STARD8: variants seen among roughly 807,000 people sequenced by gnomAD.
STARD8 encodes the protein StAR related lipid transfer domain containing 8, also known as stAR-related lipid transfer protein 8.
STARD8 carries 25 observed loss-of-function variants against 69.4 expected under a neutral mutation model. The ratio of observed to expected loss-of-function variants is 0.36; its 90% confidence interval spans 0.26 to 0.50. The LOEUF is 0.50. Among genes scored for constraint, STARD8 ranks in the 20% least tolerant of loss-of-function variants. The pLI, the probability that STARD8 is intolerant of heterozygous loss-of-function variation, is 0.96. For synonymous variants in STARD8, 389 were observed against 374.6 expected (o/e 1.04, Z -0.45); for missense variants, 921 against 932.5 (o/e 0.99, Z 0.16).
chrX:68,680,460 C>T (rs760792820), intron 2 of STARD8, among the ~76,000 whole-genome samples: 2 of 112,498 alleles, frequency 1.8e-5, no homozygotes, highest in Admixed American at 1.9e-4. Flanking sequence ...TGGAAACAAA[C>T]AGGGCCCCTG....
At chrX:68,654,499 C>A (rs1224965795) in intron 1 of STARD8, among the ~76,000 whole-genome samples, 1 of 111,423 alleles carries the variant, frequency 9.0e-6, no homozygotes, top group Non-Finnish European at 1.9e-5. Context: ...ACATGGGATC[C>A]CATGCTTTTC....
At chrX:68,648,060 G>T in intron 1 of STARD8, 133 bp downstream of exon 1, 2 of 812,289 alleles carry the variant, frequency 2.5e-6, no homozygotes, top group South Asian at 5.2e-5. Flanking sequence ...GAGTTAGAAA[G>T]GCTTGGGTTC....
chrX:68,662,951 A>C (rs1030595225), intron 1 of STARD8, among the ~76,000 whole-genome samples: 1 of 112,188 alleles, frequency 8.9e-6, no homozygotes, highest in Non-Finnish European at 1.9e-5. Context: ...CACAGGACTT[A>C]GCTCTGAGGA....
chrX:68,689,952 T>A lies in STARD8; in HGVS notation c.80-22962T>A, dbSNP rs1458166602. Among the ~76,000 whole-genome samples the A allele has an allele frequency of 2.7e-5, 3 of 110,212 alleles. No individual in the cohort carries two copies. In the Admixed American group the frequency reaches 2.9e-4, roughly 11 times the overall value. ...TCTGCCTCTGCTTGGGCTGTCTTCT[T>A]AGTGCAAATCTCCCTCCTATGGCCA... On this transcript the variant is annotated intron_variant, in intron 2 of 14. Transcript: ENST00000374599.
At chrX:68,686,072 T>C (rs1397074546) in intron 2 of STARD8, among the ~76,000 whole-genome samples, 1 of 111,558 alleles carries the variant, frequency 9.0e-6, no homozygotes, top group Admixed American at 9.4e-5. Flanking sequence ...CACCGAGGTA[T>C]GAGAACAGAA....
rs1210946498 is a variant in STARD8 at position 68,722,662 on chromosome X, C to G, written c.2799+16C>G. On this transcript the variant is annotated intron_variant, in intron 12 of 14. Transcript: ENST00000374599. Reference sequence around the variant, plus strand: ...TTGCAGGAAGGTGAGTGCCACACCACGGGTGGCTGCTATGGGGCTGGGAGA... The same window carrying G: ...TTGCAGGAAGGTGAGTGCCACACCAGGGGTGGCTGCTATGGGGCTGGGAGA... 9.2e-6 allele frequency: 11 copies of G among 1,196,009 alleles called. No homozygotes were observed. The highest frequency in any genetic ancestry group is 1.2e-5 in the Non-Finnish European group (11 of 883,649).
intron 3 of STARD8, among the ~76,000 whole-genome samples, chrX:68,713,302 G>A (rs1422778558): frequency 3.6e-5 from 4 of 112,620 alleles, no homozygotes; most frequent in African/African-American, 1.3e-4. Flanking sequence ...AATGCCGCCT[G>A]GAGTTGTACA....
At chrX:68,693,718 A>G in intron 2 of STARD8, 1 of 754,056 alleles carries the variant, frequency 1.3e-6, no homozygotes, top group Non-Finnish European at 1.6e-6. Context: ...CCCCTGCCCG[A>G]CCCCAGGCCC....
intron 2 of STARD8, among the ~76,000 whole-genome samples, chrX:68,683,863 G>A (rs750612353): frequency 6.3e-5 from 7 of 111,807 alleles, no homozygotes; most frequent in Admixed American, 2.8e-4. Context: ...CATTCTCTGG[G>A]GGTAAGGATG....
At chrX:68,692,815 T>C (rs942376388) in intron 2 of STARD8, among the ~76,000 whole-genome samples, 1 of 111,507 alleles carries the variant, frequency 9.0e-6, no homozygotes. Flanking sequence ...TTTAAGTGAG[T>C]CATGCTTAAA....
rs956763884 is a variant in STARD8, at chrX:68,713,071, T to C, written c.151+86T>C. The C allele has an allele frequency of 8.3e-6, 8 of 968,323 alleles. No homozygotes were observed. The African/African-American group carries it at 1.3e-4, about 16-fold the overall frequency. 79.8% of individuals were successfully genotyped at this position (968,323 alleles called of 1,213,427 possible). ...TAGATGGGGCAAGTCAGATTCTCTT[T>C]CCAACTACACACAAGCAGTGTCTCC... On this transcript the variant is annotated intron_variant, in intron 3 of 14. Transcript: ENST00000374599.
At position 68,694,971 on chromosome X, in the gene STARD8, C is replaced by T. The variant is rs182514923; in HGVS notation, c.80-17943C>T. 6.9e-3 allele frequency among the ~76,000 whole-genome samples: 762 copies of T among 111,061 alleles called. 11 individuals carry two copies. Among genetic ancestry groups the T allele is most frequent in the African/African-American group, 0.024 (736 of 30,463 alleles). On this transcript the variant is annotated intron_variant, in intron 2 of 14. Coordinates refer to ENST00000374599, the MANE Select transcript of STARD8 (RefSeq NM_001142503.3). Reference sequence around the variant, plus strand: ...CCAAGTCCCAGGGCCTGGCTTCTCTCCCAGTCAGAGCCTAAGCGGGGAGGA... The same window carrying T: ...CCAAGTCCCAGGGCCTGGCTTCTCTTCCAGTCAGAGCCTAAGCGGGGAGGA...
At chrX:68,683,235 T>C (rs2079811504) in intron 2 of STARD8, among the ~76,000 whole-genome samples, 1 of 111,708 alleles carries the variant, frequency 9.0e-6, no homozygotes, top group South Asian at 3.7e-4. Flanking sequence ...AGAAACTCCA[T>C]GTGGCCTGAG....
chrX:68,707,426 G>A (rs1352425618), intron 2 of STARD8, among the ~76,000 whole-genome samples: 1 of 111,999 alleles, frequency 8.9e-6, no homozygotes, highest in Non-Finnish European at 1.9e-5. Flanking sequence ...AATTTTCCAG[G>A]GACCTATATC....
At position 68,660,611 on chromosome X, in the gene STARD8, G is replaced by A. The variant is rs185036703; in HGVS notation, c.46-4888G>A. On this transcript the variant is annotated intron_variant, in intron 1 of 14. Coordinates refer to ENST00000374599, the MANE Select transcript of STARD8 (RefSeq NM_001142503.3). ...ATCTCTACTCAGCTGTCTCTGAACT[G>A]TGAGCTGCTCTAAGAAACCAGCCTG... Among the ~76,000 whole-genome samples the A allele has an allele frequency of 1.3e-4, 15 of 112,545 alleles. No homozygotes were observed. In the East Asian group the frequency reaches 4.2e-3, roughly 32 times the overall value.
chrX:68,652,914 A>G (rs1258098091), intron 1 of STARD8, among the ~76,000 whole-genome samples: 22 of 30,307 alleles, frequency 7.3e-4, no homozygotes, highest in African/African-American at 3.2e-3. Context: ...ACACCACACC[A>G]CACACACACA....
At chrX:68,663,132 A>T (rs1173638570) in intron 1 of STARD8, among the ~76,000 whole-genome samples, 1 of 112,184 alleles carries the variant, frequency 8.9e-6, no homozygotes, top group African/African-American at 3.2e-5. Context: ...ATGTTCTACA[A>T]CAAGGAAACA....
intron 1 of STARD8, among the ~76,000 whole-genome samples, chrX:68,653,289 CACACA>C (rs2079580864): frequency 7.0e-5 from 2 of 28,458 alleles, no homozygotes; most frequent in South Asian, 2.3e-3. Flanking sequence ...ACACACACAC[CACACA>C]CCACACACAC....
At chrX:68,653,796 TAC>T (rs1383144998) in intron 1 of STARD8, among the ~76,000 whole-genome samples, 3 of 99,538 alleles carry the variant, frequency 3.0e-5, no homozygotes, top group Admixed American at 1.1e-4. Context: ...ACACACCACA[TAC>T]ACACACACAC....
Sources: allele counts gnomAD v4.1 joint callset (sites outside exome capture counted in the v4.1 genomes callset), GRCh38; gene constraint gnomAD v4.1.1; transcripts MANE v1.5; gene names NCBI Gene and HGNC (gene_info 2026-07-23, HGNC 2026-07-21).